CREB1: variants seen among roughly 807,000 people sequenced by gnomAD.
CREB1 encodes the protein cyclic AMP-responsive element-binding protein 1.
A neutral mutation model predicts 42.0 loss-of-function variants in CREB1; 2 were observed. The observed-to-expected ratio is 0.05, with a 90% CI of 0.02 to 0.15. The LOEUF is 0.15. Ranked by LOEUF, CREB1 falls within the 10% of genes least tolerant of loss-of-function variation. The probability of loss-of-function intolerance (pLI) is 1.00; values close to 1 mark genes in which losing one functional copy is unlikely to be tolerated. For synonymous variants in CREB1, 123 were observed against 139.9 expected (o/e 0.88, Z 0.85); for missense variants, 199 against 388.9 (o/e 0.51, Z 4.11).
chr2:207,580,082 A>G (rs138187814), intron 7 of CREB1, among the ~76,000 whole-genome samples: 113 of 152,304 alleles, frequency 7.4e-4, no homozygotes, highest in African/African-American at 2.4e-3. Flanking sequence ...AAGCTCCAGT[A>G]TATATTATTT....
At chr2:207,578,583 G>A (rs2082683299) in intron 7 of CREB1, among the ~76,000 whole-genome samples, 1 of 152,162 alleles carries the variant, frequency 6.6e-6, no homozygotes, top group Admixed American at 6.5e-5. Context: ...TAAGAGTCAA[G>A]TAAGAGAATC....
chr2:207,588,399 T>C (rs536796396), intron 7 of CREB1, among the ~76,000 whole-genome samples: 41 of 152,342 alleles, frequency 2.7e-4, no homozygotes, highest in African/African-American at 9.9e-4. Context: ...TCTTTGTGTC[T>C]GTCCTTTAGC....
At chr2:207,574,133 C>G (rs896805512) in intron 5 of CREB1, among the ~76,000 whole-genome samples, 6 of 152,172 alleles carry the variant, frequency 3.9e-5, no homozygotes, top group African/African-American at 1.4e-4. Context: ...CTTGATGAGG[C>G]AGTAATCAAT....
chr2:207,574,003 A>G (rs1473057757), intron 5 of CREB1, among the ~76,000 whole-genome samples: 1 of 152,224 alleles, frequency 6.6e-6, no homozygotes, highest in Admixed American at 6.5e-5. Context: ...CTCCCTGCCT[A>G]AGATAAGTAA....
At chr2:207,559,302 A>G (rs2081863445) in intron 2 of CREB1, 1 of 980,338 alleles carries the variant, frequency 1.0e-6, no homozygotes, top group Non-Finnish European at 1.2e-6. Flanking sequence ...TTTTAAATTC[A>G]CATTCTTCCC....
At chr2:207,550,364 T>C (rs1165573751) in intron 1 of CREB1, 1 of 150,358 alleles carries the variant, frequency 6.7e-6, no homozygotes, top group African/African-American at 2.5e-5. Flanking sequence ...AACCATAGCA[T>C]GTGTTCCATT....
At chr2:207,582,823 G>T (rs1017970233) in intron 7 of CREB1, 1 of 328,140 alleles carries the variant, frequency 3.0e-6, no homozygotes, top group Non-Finnish European at 6.2e-6. Context: ...AACCTGGGAG[G>T]TGGAAGTTGC....
intron 1 of CREB1, among the ~76,000 whole-genome samples, chr2:207,539,736 G>T (rs2081019827): frequency 6.6e-6 from 1 of 152,128 alleles, no homozygotes; most frequent in African/African-American, 2.4e-5. Flanking sequence ...AAGAGAAGGG[G>T]CTTAGTGAGG....
At position 207,605,122 on chromosome 2, in the gene CREB1, A is replaced by G. The variant is rs2087873345; in HGVS notation, c.*8064A>G. 6.6e-6 allele frequency among the ~76,000 whole-genome samples: 1 copy of G among 152,144 alleles called. No individual in the cohort carries two copies. The highest frequency in any genetic ancestry group is 2.4e-5 in the African/African-American group (1 of 41,424). ...TTGCTGGGTCATGTTGAAATCGCACATTTAACTTTTTGAGGAACTGTCAAA... is the reference window on the plus strand; with the variant it reads ...TTGCTGGGTCATGTTGAAATCGCACGTTTAACTTTTTGAGGAACTGTCAAA... On this transcript the variant is annotated 3_prime_UTR_variant, in exon 8 of 8. Coordinates refer to ENST00000353267, the MANE Select transcript of CREB1 (RefSeq NM_004379.5).
chr2:207,582,012 A>G (rs2083024723), intron 7 of CREB1: 1 of 698,898 alleles, frequency 1.4e-6, no homozygotes, highest in Non-Finnish European at 2.6e-6. Context: ...TGCCTTTCTC[A>G]TAACATCACA....
chr2:207,559,222 C>A (rs2081860014), intron 2 of CREB1: 3 of 801,522 alleles, frequency 3.7e-6, no homozygotes, highest in Non-Finnish European at 4.5e-6. Context: ...TGCCACTACT[C>A]CACTCTGTGC....
At chr2:207,553,230 G>T (rs1438838069) in intron 1 of CREB1, among the ~76,000 whole-genome samples, 1 of 151,540 alleles carries the variant, frequency 6.6e-6, no homozygotes, top group East Asian at 1.9e-4. Flanking sequence ...TGCCACACCC[G>T]GCTAGTTTTT....
At chr2:207,592,262 C>T (rs1403339796) in intron 7 of CREB1, among the ~76,000 whole-genome samples, 2 of 151,898 alleles carry the variant, frequency 1.3e-5, no homozygotes, top group Non-Finnish European at 2.9e-5. Flanking sequence ...AAAAAATGAG[C>T]TGGGCGTGGT....
chr2:207,543,282 G>C (rs2081168229), intron 1 of CREB1, among the ~76,000 whole-genome samples: 1 of 152,050 alleles, frequency 6.6e-6, no homozygotes. Flanking sequence ...TGAATCTTTG[G>C]ATACAGAGGC....
intron 7 of CREB1, chr2:207,580,782 C>T: frequency 8.9e-6 from 2 of 224,506 alleles, no homozygotes. Flanking sequence ...ACTTCTGTTA[C>T]ATTTTGGCAG....
chr2:207,573,494 G>A (rs1342401646), intron 5 of CREB1, among the ~76,000 whole-genome samples: 1 of 152,220 alleles, frequency 6.6e-6, no homozygotes, highest in Non-Finnish European at 1.5e-5. Context: ...CCAACACTTG[G>A]GGAGGCCAAA....
chr2:207,537,054 TTG>T, intron 1 of CREB1, among the ~76,000 whole-genome samples: 1 of 5,378 alleles, frequency 1.9e-4, no homozygotes, highest in Non-Finnish European at 3.4e-3. Flanking sequence ...ACAAAGTGCT[TTG>T]TTGTTGTTGT....
rs571597520 is a variant in CREB1 at position 207,554,690 on chromosome 2, A to T, written c.-8-938A>T. Among the ~76,000 whole-genome samples, 13 of 152,320 alleles carry T rather than the reference A, an allele frequency of 8.5e-5. No homozygotes were observed. In the East Asian group the frequency reaches 2.3e-3, roughly 27 times the overall value. On this transcript the variant is annotated intron_variant, in intron 1 of 7. Coordinates refer to ENST00000353267, the MANE Select transcript of CREB1 (RefSeq NM_004379.5). ...CTACAAATATACTAAGTGCTTAGCA[A>T]AGCAGAGTCCAAATGTAAGATCAAT...
intron 1 of CREB1, among the ~76,000 whole-genome samples, chr2:207,549,800 G>C (rs1444862382): frequency 6.6e-6 from 1 of 152,104 alleles, no homozygotes; most frequent in Non-Finnish European, 1.5e-5. Flanking sequence ...GGCTAACATG[G>C]TGAAACCCCA....
Sources: gnomAD v4.1 joint callset for allele counts (sites outside exome capture counted in the v4.1 genomes callset) on GRCh38, gnomAD v4.1.1 for gene constraint, MANE v1.5 for transcripts, NCBI Gene and HGNC (gene_info 2026-07-23, HGNC 2026-07-21) for gene names.